Variants in CFAP251 observed in about 807,000 individuals in gnomAD.
The protein encoded by CFAP251 is cilia- and flagella-associated protein 251.
CFAP251 carries 93 observed loss-of-function variants against 126.7 expected under a neutral mutation model. That is an observed-to-expected ratio of 0.73 (90% CI 0.62 to 0.87). The LOEUF is 0.87. Among genes scored for constraint, CFAP251 ranks in the 40% least tolerant of loss-of-function variants. The pLI, the probability that CFAP251 is intolerant of heterozygous loss-of-function variation, is 0.00. For synonymous variants in CFAP251, 503 were observed against 506.9 expected, an observed-to-expected ratio of 0.99 and a Z score of 0.10; for missense variants, 1,287 against 1,389.2, an observed-to-expected ratio of 0.93 and a Z score of 1.17.
chr12:121,921,570 G>C lies in CFAP251; in HGVS notation c.265G>C (p.Ala89Pro). 6.2e-7 allele frequency: 1 copy of C among 1,614,010 alleles called. No homozygotes were observed. Among genetic ancestry groups the C allele is most frequent in the Non-Finnish European group, 8.5e-7 (1 of 1,180,010 alleles). Reference protein sequence around the residue: ...EKAGEVQEKEASGIQEETTVE... With the variant: ...EKAGEVQEKEPSGIQEETTVE... ...GGCTGGAGAAGTCCAAGAGAAGGAG[G>C]CTTCAGGAATACAGGAAGAAACCAC... The change falls in exon 2 of 22, where the codon GCT (alanine) becomes CCT (proline). Residue 89 changes from alanine to proline, a missense_variant. Transcript: ENST00000288912.
chr12:121,920,602 T>TA (rs895563348), intron 1 of CFAP251, among the ~76,000 whole-genome samples: 11 of 152,040 alleles, frequency 7.2e-5, no homozygotes, highest in Non-Finnish European at 1.5e-4. Flanking sequence ...TTCACCGTGT[T>TA]AGCCAGGATG....
intron 20 of CFAP251, among the ~76,000 whole-genome samples, chr12:122,000,448 A>G (rs1883121578): frequency 6.6e-6 from 1 of 151,464 alleles, no homozygotes; most frequent in Non-Finnish European, 1.5e-5. Context: ...GCTACTTGGG[A>G]GGCTGAGGCA....
rs188710830 is a variant in CFAP251 at position 121,970,199 on chromosome 12, C to T, written c.2771+2030C>T. On this transcript the variant is annotated intron_variant, in intron 17 of 21. Coordinates refer to ENST00000288912, the MANE Select transcript of CFAP251 (RefSeq NM_144668.6). ...TCTGCCCCGGGAGAGCCCCTTCCAT[C>T]CCCTCTCTCAGGGTTCATTCCGCAC... 5.7e-3 allele frequency among the ~76,000 whole-genome samples: 871 copies of T among 152,246 alleles called. 6 individuals are homozygous for T. Among genetic ancestry groups the T allele is most frequent in the African/African-American group, 0.017 (722 of 41,534 alleles).
Position 121,975,255 on chromosome 12 carries a change from C to T in CFAP251, c.2783C>T (p.Ala928Val). ...QWKITLSVLE[A>V]AVSLGGEDLT... ...TGTTGTTGTTCCAGTGTCCTGGAGG[C>T]AGCGGTTTCTCTTGGGGGTGAAGAC... Residue 928 changes from alanine to valine, a missense_variant, in exon 18 of 22, where the codon GCA becomes GTA. Ala to Val is a moderately conservative substitution (Grantham distance 64). Coordinates refer to ENST00000288912, the MANE Select transcript of CFAP251 (RefSeq NM_144668.6). 6.2e-7 allele frequency: 1 copy of T among 1,613,966 alleles called. No individual in the cohort carries two copies. The highest frequency in any genetic ancestry group is 8.5e-7 in the Non-Finnish European group (1 of 1,179,994).
rs1399059981 is a variant in CFAP251, at chr12:121,928,674, A to G, written c.748-3072A>G. Among the ~76,000 whole-genome samples, 34 of 17,792 alleles carry G rather than the reference A, an allele frequency of 1.9e-3. 1 individual carries two copies. Among genetic ancestry groups the G allele is most frequent in the African/African-American group, 0.019 (29 of 1,544 alleles). The allele number at this position is 17,792 out of a possible 152,430, so 11.7% of individuals were successfully genotyped here. A position where few individuals can be genotyped will look rare whatever the true frequency, so the allele number is the denominator to read the frequency against. ...TATATATACGTATATATATACGTATATATATATATATATACGTATATATAT... is the reference window on the plus strand; with the variant it reads ...TATATATACGTATATATATACGTATGTATATATATATATACGTATATATAT... On this transcript the variant is annotated intron_variant, in intron 3 of 21. Transcript: ENST00000288912.
intron 17 of CFAP251, chr12:121,971,625 T>A: frequency 1.4e-6 from 1 of 702,842 alleles, no homozygotes; most frequent in Non-Finnish European, 2.6e-6. Flanking sequence ...CCAAGGGGTC[T>A]GATGACTGCC....
chr12:121,937,992 A>T (rs993920118), intron 5 of CFAP251, among the ~76,000 whole-genome samples: 1 of 152,012 alleles, frequency 6.6e-6, no homozygotes, highest in Non-Finnish European at 1.5e-5. Context: ...ATAGTCTTTC[A>T]TCTGGTTTTT....
intron 11 of CFAP251, among the ~76,000 whole-genome samples, chr12:121,957,928 G>T (rs1881786267): frequency 6.6e-6 from 1 of 152,126 alleles, no homozygotes; most frequent in Non-Finnish European, 1.5e-5. Context: ...TTATCTGTGA[G>T]TCTGCTTAAT....
chr12:121,953,607 C>T (rs1432808597), intron 9 of CFAP251: 1 of 152,950 alleles, frequency 6.5e-6, no homozygotes, highest in Non-Finnish European at 1.5e-5. Context: ...CTCTTGTGTT[C>T]AAGTCAGAAG....
chr12:121,947,508 C>T, intron 7 of CFAP251, among the ~76,000 whole-genome samples: 1 of 151,938 alleles, frequency 6.6e-6, no homozygotes, highest in Non-Finnish European at 1.5e-5. Context: ...CTCTGTTGCC[C>T]AGGCTGGTCT....
At chr12:121,971,650 G>T (rs1882330939) in intron 17 of CFAP251, 1 of 702,458 alleles carries the variant, frequency 1.4e-6, no homozygotes, top group Non-Finnish European at 2.6e-6. Context: ...CAATGGAGGA[G>T]GCAGTGGAGC....
At chr12:121,952,107 A>G (rs1455089800) in intron 9 of CFAP251, among the ~76,000 whole-genome samples, 1 of 151,874 alleles carries the variant, frequency 6.6e-6, no homozygotes, top group African/African-American at 2.4e-5. Context: ...CATATTGACA[A>G]GGAATGAAAG....
chr12:121,967,658 C>T (rs928866075), intron 16 of CFAP251, among the ~76,000 whole-genome samples: 4 of 152,110 alleles, frequency 2.6e-5, no homozygotes, highest in Admixed American at 1.3e-4. Context: ...GCCGAGATCG[C>T]GCCACTGCAG....
In CFAP251 at chr12:121,968,071, G is replaced by A. The variant is rs1237200272; in HGVS notation, c.2673G>A (p.Pro891=). The A allele has an allele frequency of 5.0e-6, 8 of 1,613,550 alleles. No individual in the cohort carries two copies. Among genetic ancestry groups the A allele is most frequent in the Non-Finnish European group, 5.9e-6 (7 of 1,179,656 alleles). The part of the protein sequence containing the change: ...PHKTSAIVCH[P]NGVAGMAVSY... The stretch of plus-strand genomic sequence containing the variant: ...AGACATCTGCTATTGTTTGCCACCC[G>A]AACGGGGTGGCCGGCATGGCCGTTT... The change falls in exon 17 of 22, where the codon CCG becomes CCA. Residue 891 remains proline (P), a synonymous_variant. Coordinates refer to ENST00000288912, the MANE Select transcript of CFAP251 (RefSeq NM_144668.6).
At chr12:121,968,916 T>A in intron 17 of CFAP251, 1 of 985,426 alleles carries the variant, frequency 1.0e-6, no homozygotes, top group Non-Finnish European at 1.2e-6. Context: ...GAATCTTCCC[T>A]AATAAAGAGG....
At chr12:121,976,894 C>T (rs1013583968) in intron 19 of CFAP251, among the ~76,000 whole-genome samples, 6 of 152,002 alleles carry the variant, frequency 3.9e-5, no homozygotes, top group Non-Finnish European at 7.4e-5. Flanking sequence ...GGAGACAGAG[C>T]GAGACCCTGT....
At chr12:121,922,773 T>G (rs1219944284) in intron 2 of CFAP251, among the ~76,000 whole-genome samples, 3 of 35,346 alleles carry the variant, frequency 8.5e-5, no homozygotes, top group Non-Finnish European at 1.9e-4. Flanking sequence ...TGTCCTGTTC[T>G]TTTCTTTTCT....
At position 122,001,560 on chromosome 12, in the gene CFAP251, A is replaced by C; in HGVS notation, c.3299A>C (p.Glu1100Ala). ...CFASLFGLNP[E>A]GWKSEPATCS... ...GCTTCACTGTTTGGCCTGAATCCCG[A>C]GGGATGGAAATCCGAGCCTGCAACC... The change falls in exon 21 of 22, where the codon GAG becomes GCG. Residue 1100 changes from glutamate to alanine, a missense_variant. Glu to Ala is a moderately radical substitution (Grantham distance 107). Transcript: ENST00000288912. 1 of 1,614,064 alleles carries C rather than the reference A, an allele frequency of 6.2e-7. No individual in the cohort carries two copies. Among genetic ancestry groups the C allele is most frequent in the Non-Finnish European group, 8.5e-7 (1 of 1,179,996 alleles).
chr12:121,967,199 G>A, intron 16 of CFAP251, 130 bp downstream of exon 16: 1 of 755,366 alleles, frequency 1.3e-6, no homozygotes, highest in South Asian at 1.8e-5. Context: ...ACCCCAGTCA[G>A]CTGTGATACT....
Sources: allele counts gnomAD v4.1 joint callset (sites outside exome capture counted in the v4.1 genomes callset), GRCh38; gene constraint gnomAD v4.1.1; transcripts MANE v1.5; gene names NCBI Gene and HGNC (gene_info 2026-07-23, HGNC 2026-07-21).